Variants in RPSA observed in about 807,000 individuals in gnomAD.
RPSA encodes ribosomal protein SA.
For missense variants in RPSA, 140 were observed against 372.8 expected (o/e 0.38, Z 5.14); for synonymous variants, 103 against 126.7 (o/e 0.81, Z 1.25).
At chr3:39,408,880 C>A (rs768938821) in intron 3 of RPSA, 156 bp downstream of exon 3, 5 of 590,482 alleles carry the variant, frequency 8.5e-6, no homozygotes, top group Non-Finnish European at 1.2e-5. Context: ...CGGCGTATTA[C>A]GAGGTCAGGA....
chr3:39,407,581 T>A, intron 1 of RPSA, 40 bp from the exon 2 acceptor site: 1 of 1,491,078 alleles, frequency 6.7e-7, no homozygotes, highest in Non-Finnish European at 9.2e-7. Flanking sequence ...CCTACTTAAC[T>A]CAATGGAATG....
At chr3:39,407,062 C>T (rs1359319724) in intron 1 of RPSA, 2 of 453,480 alleles carry the variant, frequency 4.4e-6, no homozygotes, top group Non-Finnish European at 8.9e-6. Context: ...TGTTGCTATC[C>T]CTTCGGAGTC....
intron 4 of RPSA, 107 bp downstream of exon 4, chr3:39,411,106 G>A (rs1559400159): frequency 3.6e-6 from 5 of 1,395,400 alleles, no homozygotes; most frequent in East Asian, 4.6e-5. Flanking sequence ...CGATGAACTC[G>A]CAAGTGTAGG....
intron 6 of RPSA, 38 bp from the exon 7 acceptor site, chr3:39,412,236 G>T: frequency 6.6e-7 from 1 of 1,508,400 alleles, no homozygotes; most frequent in South Asian, 1.1e-5. Flanking sequence ...CTACATTGAG[G>T]ACAGAGCTGA....
At chr3:39,410,654 G>GT in intron 3 of RPSA, 100 bp from the exon 4 acceptor site, 1 of 1,303,320 alleles carries the variant, frequency 7.7e-7, no homozygotes, top group East Asian at 2.3e-5. Flanking sequence ...TTTACATGGA[G>GT]TAGTAGTGAT....
chr3:39,407,460 C>G (rs953769056), intron 1 of RPSA, 161 bp from the exon 2 acceptor site: 22 of 673,368 alleles, frequency 3.3e-5, no homozygotes, highest in Non-Finnish European at 4.9e-5. Flanking sequence ...GTGCGCTGTT[C>G]CGTAATACAC....
chr3:39,408,192 T>C (rs1241328856), intron 2 of RPSA: 18 of 371,236 alleles, frequency 4.8e-5, no homozygotes, highest in South Asian at 3.9e-4. Context: ...GCTAAGGCAC[T>C]TACTTATTTT....
intron 2 of RPSA, chr3:39,408,319 A>C (rs3772139): frequency 0.94 from 542,798 of 577,806 alleles, 258,718 homozygotes; most frequent in Non-Finnish European, 1. Context: ...GAAGTGGATT[A>C]TTAAGAACCA....
At chr3:39,411,161 T>C in intron 4 of RPSA, 162 bp downstream of exon 4, 1 of 829,612 alleles carries the variant, frequency 1.2e-6, no homozygotes, top group Non-Finnish European at 2.1e-6. Context: ...ACCACAAGGG[T>C]CTCTGGCCCA....
rs1321599535 is a variant in RPSA, at chr3:39,411,785, T to C, written c.627+8T>C. On this transcript the variant is annotated splice_region_variant and intron_variant, in intron 5 of 6. Transcript: ENST00000301821. The stretch of plus-strand genomic sequence containing the variant: ...TACAGAGATCCTGAAGAGGTAAGCT[T>C]CTCCAAAGGCTTGTGGTTACATAAG... 2 of 1,599,750 alleles carry C rather than the reference T, an allele frequency of 1.3e-6. No individual in the cohort carries two copies. The highest frequency in any genetic ancestry group is 4.5e-5 in the East Asian group (2 of 44,886).
In RPSA at chr3:39,411,751, C is replaced by T; in HGVS notation, c.601C>T (p.Leu201=). ...ACACCCATGGGAGGTCATGCCTGATCTGTACTTCTACAGAGATCCTGAAGA... is the reference window on the plus strand; with the variant it reads ...ACACCCATGGGAGGTCATGCCTGATTTGTACTTCTACAGAGATCCTGAAGA... ...REHPWEVMPD[L]YFYRDPEEIE... Residue 201 remains leucine, a synonymous_variant, in exon 5 of 7, where the codon CTG becomes TTG. Coordinates refer to ENST00000301821, the MANE Select transcript of RPSA (RefSeq NM_002295.6). 2 of 1,599,932 alleles carry T rather than the reference C, an allele frequency of 1.3e-6. No homozygotes were observed. Among genetic ancestry groups the T allele is most frequent in the Non-Finnish European group, 1.7e-6 (2 of 1,179,946 alleles).
chr3:39,408,004 G>A (rs2041944611), intron 2 of RPSA: 5 of 521,228 alleles, frequency 9.6e-6, no homozygotes, highest in Non-Finnish European at 1.4e-5. Flanking sequence ...ACGGGACTTG[G>A]GTTGGGTCAT....
chr3:39,408,591 TCTG>T lies in RPSA; in HGVS notation c.134-13_134-11del, dbSNP rs1346363084. 1 of 1,359,268 alleles carries T rather than the reference TCTG, an allele frequency of 7.4e-7. No individual in the cohort carries two copies. The highest frequency in any genetic ancestry group is 1.2e-5 in the South Asian group (1 of 86,032). The allele number at this position is 1,359,268 out of a possible 1,614,324, so 84.2% of individuals were successfully genotyped here. On this transcript the variant is annotated splice_polypyrimidine_tract_variant and intron_variant, in intron 2 of 6. Coordinates refer to ENST00000301821, the MANE Select transcript of RPSA (RefSeq NM_002295.6). ...AGCCAGGTCAAGTGTTACAAATCCT[TCTG>T]CCCTCACTTAGGCATCTATATCATA...
intron 6 of RPSA, 96 bp downstream of exon 6, chr3:39,412,157 A>G: frequency 7.1e-7 from 1 of 1,411,228 alleles, no homozygotes; most frequent in Non-Finnish European, 1.0e-6. Context: ...TACTAGCTTT[A>G]AGAGGTTTTC....
chr3:39,407,797 G>T lies in RPSA; in HGVS notation c.133+11G>T, dbSNP rs2041940833. The T allele has an allele frequency of 1.3e-6, 2 of 1,597,048 alleles. 1 individual carries two copies. Among genetic ancestry groups the T allele is most frequent in the South Asian group, 2.2e-5 (2 of 90,966 alleles). ...AAAGGAAAAGTGATGGTTAGTCATT[G>T]CTTTAATTTTTTGTTACTCCAGCTG... On this transcript the variant is annotated intron_variant, in intron 2 of 6. Coordinates refer to ENST00000301821, the MANE Select transcript of RPSA (RefSeq NM_002295.6).
intron 2 of RPSA, 127 bp from the exon 3 acceptor site, chr3:39,408,479 C>T (rs761325221): frequency 5.1e-6 from 4 of 781,784 alleles, no homozygotes; most frequent in South Asian, 4.1e-5. Context: ...GCAGGATTTT[C>T]GCTAACACCA....
intron 5 of RPSA, 44 bp downstream of exon 5, chr3:39,411,821 G>A (rs368690013): frequency 2.7e-5 from 43 of 1,599,418 alleles, no homozygotes; most frequent in Non-Finnish European, 3.4e-5. Context: ...CAAATTGGAC[G>A]ACTTGGACTG....
intron 4 of RPSA, chr3:39,411,306 CT>C (rs988117163): frequency 1.3e-5 from 8 of 636,744 alleles, no homozygotes; most frequent in East Asian, 3.1e-5. Flanking sequence ...GCCTCAGGCA[CT>C]TGGCCTTTGT....
intron 1 of RPSA, chr3:39,407,079 G>T (rs765631319): frequency 2.2e-5 from 10 of 450,102 alleles, no homozygotes; most frequent in Non-Finnish European, 4.5e-5. Context: ...AGTCCCACAC[G>T]GCGGTGAGTC....
Sources: allele counts gnomAD v4.1 joint callset, GRCh38; gene constraint gnomAD v4.1.1; transcripts MANE v1.5; gene names NCBI Gene and HGNC (gene_info 2026-07-23, HGNC 2026-07-21).